BRMS1L: variants seen among roughly 807,000 people sequenced by gnomAD.
BRMS1L encodes the protein breast cancer metastasis-suppressor 1-like protein.
BRMS1L carries 23 observed loss-of-function variants against 50.3 expected under a neutral mutation model. The ratio of observed to expected loss-of-function variants is 0.46; its 90% confidence interval spans 0.33 to 0.65. BRMS1L has a LOEUF of 0.65. BRMS1L is among the 30% of genes least tolerant of loss of function. BRMS1L has a pLI of 0.02. For missense variants in BRMS1L, 286 were observed against 386.1 expected, an observed-to-expected ratio of 0.74 and a Z score of 2.17; for synonymous variants, 114 against 126.9, an observed-to-expected ratio of 0.90 and a Z score of 0.69.
intron 4 of BRMS1L, among the ~76,000 whole-genome samples, chr14:35,852,410 G>A (rs867162767): frequency 3.5e-4 from 54 of 152,292 alleles, no homozygotes; most frequent in African/African-American, 1.2e-3. Context: ...TGTTGAATCC[G>A]TAAATCACTT....
chr14:35,831,607 G>T (rs1328834504), intron 2 of BRMS1L, 107 bp downstream of exon 2: 1 of 776,116 alleles, frequency 1.3e-6, no homozygotes, highest in Non-Finnish European at 2.1e-6. Flanking sequence ...TATTTTATGC[G>T]ACAGACCAAT....
At chr14:35,870,280 G>A in intron 9 of BRMS1L, 80 bp from the exon 10 acceptor site, 1 of 802,064 alleles carries the variant, frequency 1.2e-6, no homozygotes, top group African/African-American at 1.8e-5. Flanking sequence ...AGTTTATTTT[G>A]GTTTTATATA....
At chr14:35,862,532 A>T in intron 4 of BRMS1L, 58 bp from the exon 5 acceptor site, 3 of 1,144,222 alleles carry the variant, frequency 2.6e-6, no homozygotes, top group Non-Finnish European at 2.5e-6. Flanking sequence ...TGGTACTCTT[A>T]GTTAAGATAC....
chr14:35,853,216 A>G (rs2078236025), intron 4 of BRMS1L, among the ~76,000 whole-genome samples: 1 of 151,996 alleles, frequency 6.6e-6, no homozygotes, highest in Non-Finnish European at 1.5e-5. Context: ...CATTTGTCTG[A>G]TACAATTTTT....
At chr14:35,862,453 T>G (rs1390395214) in intron 4 of BRMS1L, 137 bp from the exon 5 acceptor site, 1 of 381,458 alleles carries the variant, frequency 2.6e-6, no homozygotes, top group Admixed American at 4.4e-5. Flanking sequence ...TGACATTTCT[T>G]CTTTAGAATT....
intron 4 of BRMS1L, among the ~76,000 whole-genome samples, chr14:35,855,999 A>G (rs2078274793): frequency 6.6e-6 from 1 of 152,164 alleles, no homozygotes; most frequent in South Asian, 2.1e-4. Context: ...TTTAATCTGA[A>G]TGTCATTATT....
intron 1 of BRMS1L, among the ~76,000 whole-genome samples, chr14:35,828,889 G>A (rs1326765685): frequency 6.6e-6 from 1 of 152,122 alleles, no homozygotes; most frequent in Non-Finnish European, 1.5e-5. Flanking sequence ...ATGAAAGTAG[G>A]TGAGATTTCA....
At chr14:35,860,285 A>G (rs1250444030) in intron 4 of BRMS1L, among the ~76,000 whole-genome samples, 2 of 151,936 alleles carry the variant, frequency 1.3e-5, no homozygotes, top group Non-Finnish European at 2.9e-5. Context: ...GTCTACCACC[A>G]TGTCTGGATA....
In BRMS1L at chr14:35,828,383, A is replaced by G. The variant is rs2077872907; in HGVS notation, c.142+1725A>G. The stretch of plus-strand genomic sequence containing the variant: ...GAGACAGGGTTTCTCCATGTTGTCC[A>G]GGCTGGTCTCGAACTCCTGACCTCG... On this transcript the variant is annotated intron_variant, in intron 1 of 9. Coordinates refer to ENST00000216807, the MANE Select transcript of BRMS1L (RefSeq NM_032352.4). Among the ~76,000 whole-genome samples, 3 of 151,340 alleles carry G rather than the reference A, an allele frequency of 2.0e-5. No homozygotes were observed. In the South Asian group the frequency reaches 6.2e-4, roughly 32 times the overall value.
intron 1 of BRMS1L, among the ~76,000 whole-genome samples, chr14:35,830,692 A>G (rs1056016345): frequency 6.6e-6 from 1 of 152,162 alleles, no homozygotes; most frequent in Non-Finnish European, 1.5e-5. Context: ...CAAATCAGCC[A>G]TGTGAGCAGT....
intron 4 of BRMS1L, among the ~76,000 whole-genome samples, chr14:35,861,323 T>C (rs2078348294): frequency 6.6e-6 from 1 of 152,138 alleles, no homozygotes. Context: ...GTTCATATCC[T>C]TAACAGCAAA....
Position 35,852,513 on chromosome 14 carries a change from G to A in BRMS1L, c.442-10077G>A, listed in dbSNP as rs927778320. Among the ~76,000 whole-genome samples, 5 of 152,268 alleles carry A rather than the reference G, an allele frequency of 3.3e-5. No individual in the cohort carries two copies. In the East Asian group the frequency reaches 7.7e-4, roughly 24 times the overall value. ...GTCTTCTTTAATTTCTTTTATTGAT[G>A]TTTGTCGTTTTCAATATACAAGTCT... On this transcript the variant is annotated intron_variant, in intron 4 of 9. Transcript: ENST00000216807.
intron 4 of BRMS1L, among the ~76,000 whole-genome samples, chr14:35,843,949 G>T (rs957353496): frequency 1.3e-5 from 2 of 152,182 alleles, no homozygotes; most frequent in African/African-American, 2.4e-5. Flanking sequence ...CGTGGGCTCT[G>T]CCCAGTTGCA....
At position 35,862,706 on chromosome 14, in the gene BRMS1L, T is replaced by C. The variant is rs2078368530; in HGVS notation, c.538+20T>C. The C allele has an allele frequency of 6.4e-7, 1 of 1,572,512 alleles. No homozygotes were observed. The highest frequency in any genetic ancestry group is 1.4e-5 in the African/African-American group (1 of 73,984). The stretch of plus-strand genomic sequence containing the variant: ...CCTCAGGTAAGGAGAATGATATGAT[T>C]GTGATGTTTGAGTGGCACCAGACCT... On this transcript the variant is annotated intron_variant, in intron 5 of 9. Transcript: ENST00000216807.
At chr14:35,853,221 A>AT (rs772718202) in intron 4 of BRMS1L, among the ~76,000 whole-genome samples, 64 of 151,652 alleles carry the variant, frequency 4.2e-4, no homozygotes, top group Middle Eastern at 3.4e-3. Context: ...GTCTGATACA[A>AT]TTTTTTTTCA....
intron 7 of BRMS1L, 138 bp from the exon 8 acceptor site, chr14:35,865,584 G>C: frequency 1.5e-6 from 1 of 658,676 alleles, no homozygotes; most frequent in South Asian, 2.0e-5. Flanking sequence ...AAATTTGTTA[G>C]AGCAGCTAAT....
chr14:35,849,428 T>C (rs952867932), intron 4 of BRMS1L, among the ~76,000 whole-genome samples: 5 of 152,038 alleles, frequency 3.3e-5, no homozygotes, highest in African/African-American at 1.2e-4. Context: ...GGTAGGACTA[T>C]AGGCATGTGC....
At chr14:35,858,795 T>G (rs1027868886) in intron 4 of BRMS1L, 1 of 152,136 alleles carries the variant, frequency 6.6e-6, no homozygotes, top group Non-Finnish European at 1.5e-5. Context: ...CATGGGCCTC[T>G]CCACAGGCTG....
chr14:35,847,011 G>C (rs1398297576), intron 4 of BRMS1L, among the ~76,000 whole-genome samples: 3 of 151,928 alleles, frequency 2.0e-5, no homozygotes, highest in African/African-American at 7.3e-5. Context: ...GTCTCCCTTT[G>C]TTGCCTAGGC....
Sources: allele counts gnomAD v4.1 joint callset (sites outside exome capture counted in the v4.1 genomes callset), GRCh38; gene constraint gnomAD v4.1.1; transcripts MANE v1.5; gene names NCBI Gene and HGNC (gene_info 2026-07-23, HGNC 2026-07-21).